The following GNA14 variants were observed in gnomAD, a reference collection of about 807,000 sequenced individuals.
GNA14 encodes the protein G protein subunit alpha 14, also known as guanine nucleotide-binding protein subunit alpha-14.
In GNA14, 50 loss-of-function variants were observed where a neutral mutation model predicts 42.0. The ratio of observed to expected loss-of-function variants is 1.19; its 90% confidence interval spans 0.95 to 1.51. GNA14 has a LOEUF of 1.51. Ranked by LOEUF, GNA14 falls within the 40% of genes most tolerant of loss-of-function variation. The pLI is 0.00. For synonymous variants in GNA14, 173 were observed against 163.1 expected (o/e 1.06, Z -0.46); for missense variants, 473 against 446.2 (o/e 1.06, Z -0.54).
rs1182913068 is a variant in GNA14, at chr9:77,428,071, C to CTT, written c.723+834_723+835dup. Among the ~76,000 whole-genome samples the CTT allele has an allele frequency of 7.9e-3, 1,026 of 130,414 alleles. 43 individuals are homozygous for CTT. In the East Asian group the frequency reaches 0.097, roughly 12 times the overall value. The allele number at this position is 130,414 out of a possible 152,430, so 85.6% of individuals were successfully genotyped here. On this transcript the variant is annotated intron_variant, in intron 5 of 6. Coordinates refer to ENST00000341700, the MANE Select transcript of GNA14 (RefSeq NM_004297.4). Reference sequence around the variant, plus strand: ...TTCAGTCCAAGAGATGGCATTTTTTCTTTTTTTTTTTCTTTTTTTTTTTTT... The same window carrying CTT: ...TTCAGTCCAAGAGATGGCATTTTTTCTTTTTTTTTTTTTCTTTTTTTTTTTTT...
rs552411227 is a variant in GNA14 at position 77,453,204 on chromosome 9, G to A, written c.310-18682C>T. On this transcript the variant is annotated intron_variant, in intron 2 of 6. Coordinates refer to ENST00000341700, the MANE Select transcript of GNA14 (RefSeq NM_004297.4). ...AGCTTGTGTGTCCCTTCCGCCATGC[G>A]AAGACACCAAGAAGATGCCATCTCT... Among the ~76,000 whole-genome samples the A allele has an allele frequency of 2.6e-5, 4 of 152,218 alleles. No individual in the cohort carries two copies. In the South Asian group the frequency reaches 6.2e-4, roughly 24 times the overall value.
At chr9:77,568,222 G>T (rs11145486) in intron 1 of GNA14, among the ~76,000 whole-genome samples, 1 of 151,862 alleles carries the variant, frequency 6.6e-6, no homozygotes, top group African/African-American at 2.4e-5. Flanking sequence ...AGGCCGAGGT[G>T]GGGGGATCAC....
chr9:77,432,897 G>A (rs189536821), intron 3 of GNA14, among the ~76,000 whole-genome samples: 21 of 152,246 alleles, frequency 1.4e-4, no homozygotes, highest in Middle Eastern at 3.4e-3. Context: ...CTGGCTCCTC[G>A]AGCTGTCAAA....
At chr9:77,514,865 G>A (rs765681543) in intron 2 of GNA14, among the ~76,000 whole-genome samples, 8 of 152,064 alleles carry the variant, frequency 5.3e-5, no homozygotes, top group South Asian at 2.1e-4. Context: ...CGCCCACCTC[G>A]GCCTCCCAAA....
chr9:77,508,234 G>T (rs1308976215), intron 2 of GNA14, among the ~76,000 whole-genome samples: 1 of 152,156 alleles, frequency 6.6e-6, no homozygotes, highest in Non-Finnish European at 1.5e-5. Flanking sequence ...ATTTAGACCT[G>T]CTAAGTGTCG....
chr9:77,610,252 ATAGT>A (rs1397377134), intron 1 of GNA14, among the ~76,000 whole-genome samples: 6 of 152,148 alleles, frequency 3.9e-5, no homozygotes, highest in African/African-American at 1.2e-4. Flanking sequence ...CCCCTATAGA[ATAGT>A]TAAACTTTAG....
chr9:77,492,363 T>A (rs1274527292), intron 2 of GNA14, among the ~76,000 whole-genome samples: 1 of 151,150 alleles, frequency 6.6e-6, no homozygotes, highest in Non-Finnish European at 1.5e-5. Flanking sequence ...AAAATACAGG[T>A]CAGCATAATG....
intron 1 of GNA14, among the ~76,000 whole-genome samples, chr9:77,619,093 G>A (rs1419525135): frequency 6.6e-6 from 1 of 152,112 alleles, no homozygotes; most frequent in Non-Finnish European, 1.5e-5. Context: ...CTGGTTTGGA[G>A]AGATTACATG....
chr9:77,506,311 A>C (rs1837068089), intron 2 of GNA14, among the ~76,000 whole-genome samples: 1 of 151,574 alleles, frequency 6.6e-6, no homozygotes, highest in Non-Finnish European at 1.5e-5. Context: ...GAAATGAGAA[A>C]CTAATTTTAA....
At position 77,478,148 on chromosome 9, in the gene GNA14, G is replaced by A. The variant is rs572408240; in HGVS notation, c.310-43626C>T. Among the ~76,000 whole-genome samples, 744 of 151,678 alleles carry A rather than the reference G, an allele frequency of 4.9e-3. 4 individuals are homozygous for A. The highest frequency in any genetic ancestry group is 8.4e-3 in the Non-Finnish European group (571 of 67,920). ...CCCATTAACTCGTCATTTAGCATTA[G>A]GTATATCTCCTAATGCTATCCCTCC... On this transcript the variant is annotated intron_variant, in intron 2 of 6. Coordinates refer to ENST00000341700, the MANE Select transcript of GNA14 (RefSeq NM_004297.4).
chr9:77,545,032 A>C (rs568405117), intron 1 of GNA14, among the ~76,000 whole-genome samples: 2 of 152,316 alleles, frequency 1.3e-5, no homozygotes, highest in Non-Finnish European at 2.9e-5. Context: ...CTTATGTTGA[A>C]AAAGAAAGGG....
At chr9:77,604,552 G>A (rs992790331) in intron 1 of GNA14, among the ~76,000 whole-genome samples, 2 of 152,184 alleles carry the variant, frequency 1.3e-5, no homozygotes, top group Non-Finnish European at 2.9e-5. Context: ...TGAAAACACA[G>A]TAAGATAAAT....
intron 1 of GNA14, among the ~76,000 whole-genome samples, chr9:77,599,946 A>T (rs1275502724): frequency 6.6e-6 from 1 of 152,258 alleles, no homozygotes; most frequent in African/African-American, 2.4e-5. Flanking sequence ...CAATTTTAAA[A>T]GCAAGGTAAC....
At chr9:77,601,325 G>A (rs916061407) in intron 1 of GNA14, among the ~76,000 whole-genome samples, 7 of 152,154 alleles carry the variant, frequency 4.6e-5, no homozygotes, top group African/African-American at 1.7e-4. Context: ...AAGATCTAGT[G>A]TTCTTTGGCT....
At chr9:77,582,345 A>G (rs1323310038) in intron 1 of GNA14, among the ~76,000 whole-genome samples, 1 of 151,978 alleles carries the variant, frequency 6.6e-6, no homozygotes, top group Non-Finnish European at 1.5e-5. Flanking sequence ...TTCCACCTTC[A>G]TCCCTATCCT....
intron 1 of GNA14, among the ~76,000 whole-genome samples, chr9:77,536,798 G>T (rs1294125032): frequency 6.6e-6 from 1 of 152,166 alleles, no homozygotes; most frequent in Admixed American, 6.5e-5. Context: ...ATTTGTGAGA[G>T]TACCTCTTAT....
At chr9:77,436,487 C>G (rs1022851903) in intron 2 of GNA14, among the ~76,000 whole-genome samples, 1 of 152,186 alleles carries the variant, frequency 6.6e-6, no homozygotes, top group Non-Finnish European at 1.5e-5. Context: ...CCTCTAAACC[C>G]TGACTTCTAA....
chr9:77,636,600 G>T (rs1264209432), intron 1 of GNA14, among the ~76,000 whole-genome samples: 1 of 152,170 alleles, frequency 6.6e-6, no homozygotes, highest in Admixed American at 6.5e-5. Context: ...ACTCTTGGGG[G>T]AAGGTGAAGG....
intron 2 of GNA14, among the ~76,000 whole-genome samples, chr9:77,466,525 T>C (rs1256985874): frequency 1.3e-5 from 2 of 152,194 alleles, no homozygotes; most frequent in African/African-American, 4.8e-5. Flanking sequence ...TCTTTAAACA[T>C]GGTTTTCTTT....
Sources: gnomAD v4.1 joint callset for allele counts (sites outside exome capture counted in the v4.1 genomes callset) on GRCh38, gnomAD v4.1.1 for gene constraint, MANE v1.5 for transcripts, NCBI Gene and HGNC (gene_info 2026-07-23, HGNC 2026-07-21) for gene names.